UBE2E3: variants seen among roughly 807,000 people sequenced by gnomAD.
The protein encoded by UBE2E3 is ubiquitin-conjugating enzyme E2 E3.
In UBE2E3, 5 loss-of-function variants were observed where a neutral mutation model predicts 23.6. That is an observed-to-expected ratio of 0.21 (90% CI 0.11 to 0.44). UBE2E3 has a LOEUF of 0.44. Among genes scored for constraint, UBE2E3 ranks in the 20% least tolerant of loss-of-function variants. The pLI is 0.99. For missense variants in UBE2E3, 81 were observed against 249.8 expected (o/e 0.32, Z 4.55); for synonymous variants, 78 against 87.5 (o/e 0.89, Z 0.60).
chr2:181,057,505 T>C (rs1311395393), intron 3 of UBE2E3, among the ~76,000 whole-genome samples, 188 bp from the exon 4 acceptor site: 1 of 151,802 alleles, frequency 6.6e-6, no homozygotes, highest in Non-Finnish European at 1.5e-5. Context: ...CTCTGTAAGT[T>C]TGTAATATTT....
intron 3 of UBE2E3, among the ~76,000 whole-genome samples, chr2:181,002,959 A>T (rs1574171401): frequency 6.6e-6 from 1 of 152,266 alleles, no homozygotes; most frequent in South Asian, 2.1e-4. Flanking sequence ...CACCCGGTAC[A>T]AAAATGCAGG....
chr2:181,029,251 A>G (rs939818640), intron 3 of UBE2E3, among the ~76,000 whole-genome samples: 3 of 152,070 alleles, frequency 2.0e-5, no homozygotes, highest in African/African-American at 7.2e-5. Context: ...ATCTAGTAGG[A>G]CAAGTATCTG....
At chr2:180,991,215 A>C (rs1442585281) in intron 3 of UBE2E3, among the ~76,000 whole-genome samples, 2 of 151,488 alleles carry the variant, frequency 1.3e-5, no homozygotes, top group Non-Finnish European at 1.5e-5. Context: ...ATGGCCCTCT[A>C]TAATAGTTCC....
chr2:180,999,141 A>G (rs1325574056), intron 3 of UBE2E3, among the ~76,000 whole-genome samples: 1 of 152,166 alleles, frequency 6.6e-6, no homozygotes, highest in African/African-American at 2.4e-5. Context: ...GAACAAGAAT[A>G]TGAAAATTAT....
intron 3 of UBE2E3, among the ~76,000 whole-genome samples, chr2:181,009,833 T>TA (rs78806603): frequency 1.3e-5 from 2 of 152,164 alleles, no homozygotes; most frequent in East Asian, 3.8e-4. Context: ...TTTGTATTAA[T>TA]AAAGTGCACT....
intron 3 of UBE2E3, among the ~76,000 whole-genome samples, chr2:180,992,903 C>G (rs936261686): frequency 2.6e-5 from 4 of 152,102 alleles, no homozygotes; most frequent in Admixed American, 1.3e-4. Flanking sequence ...TCCAGTGAGT[C>G]TCTTTGGAAG....
intron 3 of UBE2E3, among the ~76,000 whole-genome samples, chr2:180,988,263 A>G (rs1490034798): frequency 6.6e-6 from 1 of 152,116 alleles, no homozygotes; most frequent in African/African-American, 2.4e-5. Flanking sequence ...TAGTGCATTG[A>G]CATCTTATGT....
intron 4 of UBE2E3, 53 bp downstream of exon 4, chr2:181,057,878 G>A (rs1042736948): frequency 7.0e-6 from 11 of 1,563,954 alleles, no homozygotes; most frequent in African/African-American, 6.8e-5. Flanking sequence ...CTCTAAAATC[G>A]GTTATTCTAG....
chr2:181,029,328 A>G (rs529931261), intron 3 of UBE2E3, among the ~76,000 whole-genome samples: 1 of 152,264 alleles, frequency 6.6e-6, no homozygotes, highest in South Asian at 2.1e-4. Context: ...ATTCCTTGGA[A>G]AAGTATTCTT....
In UBE2E3 at chr2:180,982,010, T is replaced by C; in HGVS notation, c.-25-8T>C. 1.3e-6 allele frequency: 2 copies of C among 1,587,324 alleles called. No individual in the cohort carries two copies. The highest frequency in any genetic ancestry group is 1.7e-6 in the Non-Finnish European group (2 of 1,169,008). On this transcript the variant is annotated splice_region_variant and splice_polypyrimidine_tract_variant and intron_variant, in intron 1 of 5. Transcript: ENST00000410062. ...TTTCTCCTCCTCCTCCCCTGTTCTC[T>C]TTAAAAGTTTTCCAAGAGATAACTT...
intron 3 of UBE2E3, among the ~76,000 whole-genome samples, chr2:180,995,446 T>TG (rs1349174596): frequency 1.3e-5 from 2 of 152,210 alleles, no homozygotes; most frequent in African/African-American, 4.8e-5. Context: ...ATGTAATACA[T>TG]GTAACATACA....
At chr2:180,988,644 A>C (rs1268692349) in intron 3 of UBE2E3, among the ~76,000 whole-genome samples, 1 of 152,148 alleles carries the variant, frequency 6.6e-6, no homozygotes, top group Non-Finnish European at 1.5e-5. Context: ...ACCCCATAGC[A>C]TTCTTTCCAT....
In UBE2E3 at chr2:181,008,027, T is replaced by G. The variant is rs370184291; in HGVS notation, c.245+23934T>G. On this transcript the variant is annotated intron_variant, in intron 3 of 5. Coordinates refer to ENST00000410062, the MANE Select transcript of UBE2E3 (RefSeq NM_006357.4). ...AAATACAGTACTTTGTATTCTGAAT[T>G]GTCTTTTTAATCTGGCTTTTAAAAA... is the stretch of plus-strand genomic sequence containing the variant. Among the ~76,000 whole-genome samples the G allele has an allele frequency of 1.5e-4, 23 of 152,330 alleles. No homozygotes were observed. The East Asian group carries it at 2.3e-3, about 15-fold the overall frequency.
chr2:181,032,243 G>A (rs113181048), intron 3 of UBE2E3, among the ~76,000 whole-genome samples: 7,085 of 152,228 alleles, frequency 0.047, 231 homozygotes, highest in Middle Eastern at 0.085. Context: ...CAAAGGAAAA[G>A]TAAAATAGAA....
chr2:180,999,237 G>A (rs559474207), intron 3 of UBE2E3, among the ~76,000 whole-genome samples: 14 of 152,138 alleles, frequency 9.2e-5, no homozygotes, highest in Non-Finnish European at 1.8e-4. Flanking sequence ...GCAGTTCCTA[G>A]TACTCTGACG....
intron 3 of UBE2E3, among the ~76,000 whole-genome samples, chr2:181,018,865 T>C (rs538748507): frequency 1.3e-5 from 2 of 152,340 alleles, no homozygotes; most frequent in African/African-American, 2.4e-5. Context: ...AACAATTACC[T>C]GAGTTGGATG....
intron 3 of UBE2E3, among the ~76,000 whole-genome samples, chr2:181,051,116 T>G (rs915841472): frequency 2.0e-5 from 3 of 151,916 alleles, no homozygotes; most frequent in African/African-American, 7.2e-5. Flanking sequence ...TTTCATACTT[T>G]CACGGTGTAT....
chr2:181,007,378 G>C (rs1401124), intron 3 of UBE2E3, among the ~76,000 whole-genome samples: 35,330 of 152,038 alleles, frequency 0.23, 4,474 homozygotes, highest in Non-Finnish European at 0.28. Flanking sequence ...CCTACATGTT[G>C]CTCCCTATTG....
intron 3 of UBE2E3, chr2:180,989,815 C>A: frequency 1.4e-6 from 2 of 1,466,422 alleles, no homozygotes; most frequent in South Asian, 2.8e-5. Flanking sequence ...CTCTCATAAC[C>A]AATTAGTACT....
Sources: allele counts gnomAD v4.1 joint callset (sites outside exome capture counted in the v4.1 genomes callset), GRCh38; gene constraint gnomAD v4.1.1; transcripts MANE v1.5; gene names NCBI Gene and HGNC (gene_info 2026-07-23, HGNC 2026-07-21).